The following EPB41L1 variants were observed in gnomAD, a reference collection of about 807,000 sequenced individuals.
EPB41L1 encodes erythrocyte membrane protein band 4.1 like 1, also known as band 4.1-like protein 1.
EPB41L1 carries 29 observed loss-of-function variants against 97.8 expected under a neutral mutation model. The ratio of observed to expected loss-of-function variants is 0.30; its 90% CI spans 0.22 to 0.40. EPB41L1 has a LOEUF of 0.40. Among genes scored for constraint, EPB41L1 ranks in the 10% least tolerant of loss-of-function variants. EPB41L1 has a pLI of 1.00. For missense variants in EPB41L1, 812 were observed against 1,162.3 expected (o/e 0.70, Z 4.38); for synonymous variants, 383 against 459.2 (o/e 0.83, Z 2.12).
intron 1 of EPB41L1, among the ~76,000 whole-genome samples, chr20:36,161,521 G>T (rs2060522538): frequency 6.6e-6 from 1 of 151,886 alleles, no homozygotes; most frequent in Non-Finnish European, 1.5e-5. Context: ...TGTTGCCCAG[G>T]CTGGAGTGCA....
intron 17 of EPB41L1, among the ~76,000 whole-genome samples, chr20:36,218,171 C>A (rs184778865): frequency 1.3e-4 from 20 of 152,282 alleles, no homozygotes; most frequent in Admixed American, 1.1e-3. Context: ...AGTTAAGTTC[C>A]AGCTCTACCA....
chr20:36,222,292 C>G lies in EPB41L1; in HGVS notation c.2535C>G (p.Ala845=). ...TTTACCACCAGGCCCTGGCTTTGGCCATCAAGGAGGCCAAACTGCAGCATC... is the reference window on the plus strand; with the variant it reads ...TTTACCACCAGGCCCTGGCTTTGGCGATCAAGGAGGCCAAACTGCAGCATC... The part of the protein sequence containing the change: ...DVDQDQALAL[A]IKEAKLQHPD... The change falls in exon 21 of 22, where the codon GCC becomes GCG. Residue 845 remains alanine, a synonymous_variant. Transcript: ENST00000338074. 6.2e-7 allele frequency: 1 copy of G among 1,614,122 alleles called. No individual in the cohort carries two copies.
In EPB41L1 at chr20:36,146,552, T is replaced by A. The variant is rs572543136; in HGVS notation, c.-9-28999T>A. Among the ~76,000 whole-genome samples, 43 of 152,302 alleles carry A rather than the reference T, an allele frequency of 2.8e-4. No individual in the cohort carries two copies. In the South Asian group the frequency reaches 8.9e-3, roughly 32 times the overall value. ...GTGGGGAGATGGGAACATTCAGGCG[T>A]CACTGCCTGGCTGCCTTGTGAAGTT... On this transcript the variant is annotated intron_variant, in intron 2 of 19. Coordinates refer to the EPB41L1 transcript ENST00000202028.
intron 21 of EPB41L1, among the ~76,000 whole-genome samples, chr20:36,229,040 G>T (rs575720359): frequency 2.0e-5 from 3 of 151,938 alleles, no homozygotes; most frequent in African/African-American, 7.3e-5. Context: ...CACAAGCTGC[G>T]TGGCCTTGGA....
At chr20:36,110,657 A>ACG (rs1343717428) in intron 1 of EPB41L1, 2 of 151,730 alleles carry the variant, frequency 1.3e-5, no homozygotes, top group Non-Finnish European at 2.9e-5. Flanking sequence ...ACACACACAC[A>ACG]CACACCATTG....
At chr20:36,173,540 A>G (rs527406871) in intron 1 of EPB41L1, among the ~76,000 whole-genome samples, 1 of 152,282 alleles carries the variant, frequency 6.6e-6, no homozygotes, top group Non-Finnish European at 1.5e-5. Context: ...AGAGCTGCAG[A>G]CACAGGGTGG....
At chr20:36,134,311 T>C (rs757963213) in intron 2 of EPB41L1, among the ~76,000 whole-genome samples, 5 of 152,202 alleles carry the variant, frequency 3.3e-5, no homozygotes, top group Non-Finnish European at 7.3e-5. Flanking sequence ...TAGCCCGAGG[T>C]TGTGTTCTAG....
At chr20:36,208,775 C>T (rs1045331694) in intron 14 of EPB41L1, among the ~76,000 whole-genome samples, 6 of 152,284 alleles carry the variant, frequency 3.9e-5, no homozygotes, top group East Asian at 1.9e-4. Flanking sequence ...GCTGGTTCCC[C>T]GAGGCACTGC....
At chr20:36,132,009 G>T (rs2059229703) in intron 2 of EPB41L1, among the ~76,000 whole-genome samples, 1 of 152,156 alleles carries the variant, frequency 6.6e-6, no homozygotes. Context: ...GCTCAGGCCT[G>T]TTCCCCAGAG....
chr20:36,171,133 CTTTT>C (rs11484332), intron 1 of EPB41L1, among the ~76,000 whole-genome samples: 5 of 144,838 alleles, frequency 3.5e-5, no homozygotes, highest in Admixed American at 2.1e-4. Context: ...GTCTGTGATG[CTTTT>C]TTTTTTTTTC....
chr20:36,108,263 A>T (rs2058266575), intron 1 of EPB41L1, among the ~76,000 whole-genome samples: 1 of 152,092 alleles, frequency 6.6e-6, no homozygotes, highest in Non-Finnish European at 1.5e-5. Flanking sequence ...TACAGGCATG[A>T]ACCACCGTGC....
chr20:36,099,732 C>T (rs771780342), intron 1 of EPB41L1, among the ~76,000 whole-genome samples: 1 of 152,124 alleles, frequency 6.6e-6, no homozygotes, highest in African/African-American at 2.4e-5. Context: ...AAGTGACACC[C>T]GCAAAGTCAC....
intron 2 of EPB41L1, among the ~76,000 whole-genome samples, chr20:36,134,852 CTTTTTTTTTTTTT>C (rs764236552): frequency 3.7e-5 from 4 of 107,628 alleles, no homozygotes; most frequent in East Asian, 5.0e-4. Context: ...TTTTCTCTGT[CTTTTTTTTTTTTT>C]TTTTTTTTTT....
intron 2 of EPB41L1, among the ~76,000 whole-genome samples, chr20:36,146,296 C>T (rs780920198): frequency 2.0e-5 from 3 of 152,220 alleles, no homozygotes; most frequent in Non-Finnish European, 2.9e-5. Context: ...TTTGTACTGG[C>T]ACACTGGGGA....
At chr20:36,129,214 T>A (rs1291332478) in intron 2 of EPB41L1, among the ~76,000 whole-genome samples, 2 of 152,072 alleles carry the variant, frequency 1.3e-5, no homozygotes, top group Non-Finnish European at 2.9e-5. Flanking sequence ...GTGGTAGAAT[T>A]GGTGAATGGT....
At chr20:36,217,506 G>C (rs550836760) in intron 17 of EPB41L1, among the ~76,000 whole-genome samples, 4 of 152,226 alleles carry the variant, frequency 2.6e-5, no homozygotes, top group African/African-American at 4.8e-5. Context: ...TTGAATGACT[G>C]ATGTCCCTAG....
chr20:36,101,689 A>T (rs2058021502), intron 1 of EPB41L1, among the ~76,000 whole-genome samples: 1 of 152,206 alleles, frequency 6.6e-6, no homozygotes, highest in African/African-American at 2.4e-5. Context: ...AGAGCAACAA[A>T]GGTGAGCATG....
At chr20:36,123,499 G>A (rs899271300) in intron 2 of EPB41L1, among the ~76,000 whole-genome samples, 18 of 152,172 alleles carry the variant, frequency 1.2e-4, no homozygotes, top group Admixed American at 3.3e-4. Flanking sequence ...AGAGTGCAGT[G>A]GCGCAATCTT....
At position 36,197,980 on chromosome 20, in the gene EPB41L1, G is replaced by A. The variant is rs779274953; in HGVS notation, c.1607G>A (p.Arg536His). ...IHRDRDWERE[R>H]RLPSSPASPS... ...CGGGATCGAGACTGGGAACGGGAGC[G>A]CAGGCTGCCCTCCTCCCCCGCCTCC... The change falls in exon 14 of 22, where the codon CGC becomes CAC. Residue 536 changes from arginine to histidine, a missense_variant. Physicochemically the swap from Arg to His is conservative, Grantham distance 29. This residue lies in a region of EPB41L1 where 498 missense variants were observed against 622.7 expected (regional missense o/e 0.80). Transcript: ENST00000338074. 2.2e-5 allele frequency: 35 copies of A among 1,613,932 alleles called. No individual in the cohort carries two copies. The highest frequency in any genetic ancestry group is 1.6e-4 in the Middle Eastern group (1 of 6,082).
Sources: gnomAD v4.1 joint callset for allele counts (sites outside exome capture counted in the v4.1 genomes callset) on GRCh38, gnomAD v4.1.1 for gene constraint, gnomAD v4.1.1 regional missense constraint, MANE v1.5 for transcripts, NCBI Gene and HGNC (gene_info 2026-07-23, HGNC 2026-07-21) for gene names.